Variants in PCP2 observed in about 807,000 individuals in gnomAD.
PCP2 encodes the protein Purkinje cell protein 2.
Under a neutral mutation model 18.3 loss-of-function variants are expected in PCP2, and 21 were observed. The ratio of observed to expected loss-of-function variants is 1.14; its 90% CI spans 0.81 to 1.65. The LOEUF is 1.65. PCP2 is among the 40% of genes most tolerant of loss of function. The pLI is 0.00. For synonymous variants in PCP2, 85 were observed against 77.6 expected, an observed-to-expected ratio of 1.10 and a Z score of -0.50; for missense variants, 202 against 201.8, an observed-to-expected ratio of 1.00 and a Z score of 0.00.
At chr19:7,634,625 C>G (rs1432394754), upstream of PCP2, among the ~76,000 whole-genome samples, 2 of 152,252 alleles carry the variant, frequency 1.3e-5, no homozygotes, top group Non-Finnish European at 2.9e-5. Context: ...CTGCCTGGGC[C>G]TCCCAAAGTG....
chr19:7,636,589 A>C (rs551157518), upstream of PCP2: 1 of 149,460 alleles, frequency 6.7e-6, no homozygotes, highest in African/African-American at 2.6e-5. Flanking sequence ...CCTCGTCGGC[A>C]CCGCAGTCCA....
chr19:7,636,933 C>T (rs1235470793), upstream of PCP2: 1 of 411,226 alleles, frequency 2.4e-6, no homozygotes, highest in South Asian at 1.4e-4. Flanking sequence ...GTGTGCACCT[C>T]CAGCGACTTC....
rs564574748 is a variant in PCP2 at position 7,632,112 on chromosome 19, T to C, written c.291+281A>G. The C allele has an allele frequency of 3.1e-4, 177 of 571,398 alleles. 1 individual carries two copies. In the South Asian group the frequency reaches 3.8e-3, roughly 12 times the overall value. 35.4% of individuals were successfully genotyped at this position (571,398 alleles called of 1,614,324 possible). A position where few individuals can be genotyped will look rare whatever the true frequency, so the allele number is the denominator to read the frequency against. On this transcript the variant is annotated intron_variant, in intron 3 of 3. Coordinates refer to ENST00000311069, the MANE Select transcript of PCP2 (RefSeq NM_174895.3). The surrounding 1 kb of genome is among the most constrained non-coding windows in gnomAD (Gnocchi z 5.2). ...ACGTGACTTCCTCCCTGGGATACTT[T>C]CCTAGGAAGGGGTCCTATTTTCTCC...
At chr19:7,633,888 A>G (rs2031436352), upstream of PCP2, 1 of 175,278 alleles carries the variant, frequency 5.7e-6, no homozygotes, top group Non-Finnish European at 1.2e-5. Flanking sequence ...GGCAGCTGCC[A>G]CCTGCAGTCG....
At chr19:7,636,770 C>G, upstream of PCP2, 1 of 216,548 alleles carries the variant, frequency 4.6e-6, no homozygotes, top group Non-Finnish European at 9.1e-6. Context: ...CAGGCCCAGA[C>G]AGTGGCGGCC....
rs758705904 is a variant in PCP2, at chr19:7,631,679, C to T, written c.*10G>A. 4.1e-6 allele frequency: 6 copies of T among 1,459,398 alleles called. No homozygotes were observed. In the African/African-American group the frequency reaches 7.2e-5, roughly 18 times the overall value. 90.4% of individuals were successfully genotyped at this position (1,459,398 alleles called of 1,614,324 possible). A position where few individuals can be genotyped will look rare whatever the true frequency, so the allele number is the denominator to read the frequency against. On this transcript the variant is annotated 3_prime_UTR_variant, in exon 4 of 4. Transcript: ENST00000311069. ...TGGGGGCCGAGTGAGACCCAGGATG[C>T]CTCAGGCCCTCAGGGGGCTTGTGTC...
upstream of PCP2, among the ~76,000 whole-genome samples, chr19:7,634,357 A>G (rs776264400): frequency 1.7e-4 from 26 of 152,292 alleles, no homozygotes; most frequent in Non-Finnish European, 3.1e-4. Context: ...CTCAGAATGA[A>G]TGGGCTGCAC....
At position 7,633,448 on chromosome 19, in the gene PCP2, G is replaced by A; in HGVS notation, c.10C>T (p.Gln4Ter). 1 of 1,576,978 alleles carries A rather than the reference G, an allele frequency of 6.3e-7. No individual in the cohort carries two copies. The highest frequency in any genetic ancestry group is 8.6e-7 in the Non-Finnish European group (1 of 1,159,914). Residue 4 changes from glutamine to a stop codon, truncating the protein, a stop_gained, in exon 1 of 4, where the codon CAG becomes TAG. Coordinates refer to ENST00000311069, the MANE Select transcript of PCP2 (RefSeq NM_174895.3). LOFTEE classifies it high-confidence loss of function. ...GAGCCTTCCTCCGTCTTCTCCTCCTGATCCATCATGTCCCTGGACTCCAGT... is the reference window on the plus strand; with the variant it reads ...GAGCCTTCCTCCGTCTTCTCCTCCTAATCCATCATGTCCCTGGACTCCAGT... MMD[Q>*]EEKTEEGSGP...
chr19:7,635,704 CAAAA>C (rs958512212), upstream of PCP2, among the ~76,000 whole-genome samples: 1 of 151,630 alleles, frequency 6.6e-6, no homozygotes, highest in African/African-American at 2.4e-5. Context: ...CTTTACAAAA[CAAAA>C]ACAAACAAAA....
upstream of PCP2, among the ~76,000 whole-genome samples, chr19:7,635,150 C>T (rs762155852): frequency 1.3e-5 from 2 of 152,180 alleles, no homozygotes; most frequent in African/African-American, 4.8e-5. Flanking sequence ...CTCTGTCCCC[C>T]CAAGGGGTCA....
upstream of PCP2, among the ~76,000 whole-genome samples, chr19:7,634,456 C>T (rs1391944326): frequency 6.6e-6 from 1 of 152,252 alleles, no homozygotes; most frequent in Non-Finnish European, 1.5e-5. Flanking sequence ...TCCCCCTCCT[C>T]AGTACGTGTA....
At chr19:7,635,364 T>C (rs2031487132), upstream of PCP2, among the ~76,000 whole-genome samples, 1 of 152,214 alleles carries the variant, frequency 6.6e-6, no homozygotes, top group African/African-American at 2.4e-5. Flanking sequence ...CAGCGAGTTG[T>C]ATGGTATGTG....
At position 7,632,114 on chromosome 19, in the gene PCP2, C is replaced by T; in HGVS notation, c.291+279G>A. On this transcript the variant is annotated intron_variant, in intron 3 of 3. Coordinates refer to ENST00000311069, the MANE Select transcript of PCP2 (RefSeq NM_174895.3). The surrounding 1 kb of genome is among the most constrained non-coding windows in gnomAD (Gnocchi z 5.2). ...GTGACTTCCTCCCTGGGATACTTTC[C>T]TAGGAAGGGGTCCTATTTTCTCCCT... 1.7e-6 allele frequency: 1 copy of T among 571,918 alleles called. No individual in the cohort carries two copies. Among genetic ancestry groups the T allele is most frequent in the Non-Finnish European group, 3.0e-6 (1 of 328,846 alleles). The allele number at this position is 571,918 out of a possible 1,614,324, so 35.4% of individuals were successfully genotyped here.
At chr19:7,633,296 A>AG (rs1304992075) in intron 1 of PCP2, 111 bp downstream of exon 1, 1 of 1,116,148 alleles carries the variant, frequency 9.0e-7, no homozygotes, top group Non-Finnish European at 1.3e-6. Context: ...CAACTGGGTC[A>AG]GGGGGTCCTA....
Position 7,633,459 on chromosome 19 carries a change from T to G in PCP2, c.-2A>C. The stretch of plus-strand genomic sequence containing the variant: ...CGTCTTCTCCTCCTGATCCATCATG[T>G]CCCTGGACTCCAGTCACTTTTCTGC... On this transcript the variant is annotated 5_prime_UTR_variant, in exon 1 of 4. Coordinates refer to ENST00000311069, the MANE Select transcript of PCP2 (RefSeq NM_174895.3). 6.3e-7 allele frequency: 1 copy of G among 1,574,814 alleles called. No homozygotes were observed. The highest frequency in any genetic ancestry group is 8.6e-7 in the Non-Finnish European group (1 of 1,158,700).
At chr19:7,633,364 G>T in intron 1 of PCP2, 43 bp downstream of exon 1, 1 of 1,541,002 alleles carries the variant, frequency 6.5e-7, no homozygotes, top group Non-Finnish European at 8.8e-7. Context: ...CATGGGCTCT[G>T]AGACCTTGAG....
Position 7,631,739 on chromosome 19 carries a change from G to T in PCP2, c.361C>A (p.Leu121Ile), listed in dbSNP as rs201005289. 9.0e-6 allele frequency: 13 copies of T among 1,448,012 alleles called. No homozygotes were observed. The highest frequency in any genetic ancestry group is 1.1e-5 in the Non-Finnish European group (12 of 1,098,226). The allele number at this position is 1,448,012 out of a possible 1,614,324, so 89.7% of individuals were successfully genotyped here. Residue 121 changes from leucine (L) to isoleucine (I), a missense_variant, in exon 4 of 4, where the codon CTC becomes ATC. Physicochemically the swap from Leu to Ile is conservative, Grantham distance 5. Coordinates refer to ENST00000311069, the MANE Select transcript of PCP2 (RefSeq NM_174895.3). The stretch of plus-strand genomic sequence containing the variant: ...GGGCTGCTGTTCCGACGGAAGCCGA[G>T]AGCGGTCGGGTCCTGAGGGGTGAGC... The part of the protein sequence containing the change: ...PLLTPQDPTA[L>I]GFRRNSSPQP...
chr19:7,632,695 C>T lies in PCP2; in HGVS notation c.166+21G>A. 6.5e-7 allele frequency: 1 copy of T among 1,549,200 alleles called. No homozygotes were observed. Among genetic ancestry groups the T allele is most frequent in the Non-Finnish European group, 8.7e-7 (1 of 1,152,204 alleles). ...CACCCCGTTCACGCCCCATGGACAGCACCCCCGTGCCCATGCTCACGGCTC... is the reference window on the plus strand; with the variant it reads ...CACCCCGTTCACGCCCCATGGACAGTACCCCCGTGCCCATGCTCACGGCTC... On this transcript the variant is annotated intron_variant, in intron 2 of 3. Transcript: ENST00000311069. This position sits in a 1 kb window ranked among gnomAD's most constrained non-coding sequence, Gnocchi z 5.2.
chr19:7,632,638 G>A lies in PCP2; in HGVS notation c.166+78C>T. ...CCACCTCCCACATCCCGTGCCCCCA[G>A]GCCCTCCAGATGACCACTTGCCCTG... On this transcript the variant is annotated intron_variant, in intron 2 of 3. Coordinates refer to ENST00000311069, the MANE Select transcript of PCP2 (RefSeq NM_174895.3). The surrounding 1 kb of genome is among the most constrained non-coding windows in gnomAD (Gnocchi z 5.2). 1 of 1,571,412 alleles carries A rather than the reference G, an allele frequency of 6.4e-7. No homozygotes were observed. The highest frequency in any genetic ancestry group is 8.6e-7 in the Non-Finnish European group (1 of 1,161,602).
Sources: allele counts gnomAD v4.1 joint callset (sites outside exome capture counted in the v4.1 genomes callset), GRCh38; gene constraint gnomAD v4.1.1; non-coding constraint Gnocchi (gnomAD v3.1); transcripts MANE v1.5; gene names NCBI Gene and HGNC (gene_info 2026-07-23, HGNC 2026-07-21).